HDX: variants seen among roughly 807,000 people sequenced by gnomAD.
HDX encodes the protein highly divergent homeobox.
A neutral mutation model predicts 45.2 loss-of-function variants in HDX; 19 were observed. The observed-to-expected ratio is 0.42, with a 90% CI of 0.29 to 0.62. The LOEUF (loss-of-function observed/expected upper bound fraction) is 0.62. Among genes scored for constraint, HDX ranks in the 20% least tolerant of loss-of-function variants. The probability of loss-of-function intolerance (pLI) is 0.20; values close to 1 mark genes in which losing one functional copy is unlikely to be tolerated. For synonymous variants in HDX, 188 were observed against 172.8 expected, an observed-to-expected ratio of 1.09 and a Z score of -0.69; for missense variants, 532 against 493.9, an observed-to-expected ratio of 1.08 and a Z score of -0.73.
At chrX:84,356,684 G>T (rs1163047814) in intron 6 of HDX, among the ~76,000 whole-genome samples, 1 of 94,425 alleles carries the variant, frequency 1.1e-5, no homozygotes, top group East Asian at 3.6e-4. Context: ...GTGCAGTGGC[G>T]CGATCTCGCC....
rs1015186259 is a variant in HDX, at chrX:84,376,325, G to A, written c.1306-14713C>T. Reference sequence around the variant, plus strand: ...ACATGACTAGCCGTGGGGACTACAAGGTGAAGCTCCTTCTGCTTGAGAAAA... The same window carrying A: ...ACATGACTAGCCGTGGGGACTACAAAGTGAAGCTCCTTCTGCTTGAGAAAA... On this transcript the variant is annotated intron_variant, in intron 5 of 10. Coordinates refer to ENST00000373177, the MANE Select transcript of HDX (RefSeq NM_001177479.2). 2.4e-4 allele frequency among the ~76,000 whole-genome samples: 27 copies of A among 112,071 alleles called. 1 individual carries two copies. The highest frequency in any genetic ancestry group is 2.3e-3 in the Admixed American group (24 of 10,551).
chrX:84,450,849 T>C (rs1290784669), intron 4 of HDX, among the ~76,000 whole-genome samples: 1 of 112,120 alleles, frequency 8.9e-6, no homozygotes, highest in Non-Finnish European at 1.9e-5. Context: ...TAGAGTATCT[T>C]CTTAGACCAC....
At chrX:84,349,515 A>ATG (rs1273977316) in intron 6 of HDX, among the ~76,000 whole-genome samples, 2 of 94,262 alleles carry the variant, frequency 2.1e-5, no homozygotes, top group East Asian at 7.0e-4. Context: ...ATATGTATAA[A>ATG]TGTGTGTGTG....
Position 84,469,467 on chromosome X carries a change from C to A in HDX, c.256G>T (p.Val86Phe). 1 of 1,210,881 alleles carries A rather than the reference C, an allele frequency of 8.3e-7. No homozygotes were observed. Among genetic ancestry groups the A allele is most frequent in the Non-Finnish European group, 1.1e-6 (1 of 895,120 alleles). ...SAPDITVRNV[V>F]NIARPSSQQS... ...TGGCTTGAGGGTCGAGCAATATTAA[C>A]CACATTTCTGACTGTGATGTCTGGA... Residue 86 changes from valine (V) to phenylalanine (F), a missense_variant, in exon 4 of 11, where the codon GTT (valine) becomes TTT (phenylalanine). Physicochemically the swap from Val to Phe is conservative, Grantham distance 50. Around this residue, in one of 3 missense-constraint regions of HDX, gnomAD observed 376 missense variants for 343.7 expected, o/e 1.09. Coordinates refer to ENST00000373177, the MANE Select transcript of HDX (RefSeq NM_001177479.2).
At chrX:84,453,518 T>C (rs73508921) in intron 4 of HDX, among the ~76,000 whole-genome samples, 25,369 of 110,486 alleles carry the variant, frequency 0.23, 2,252 homozygotes, top group Non-Finnish European at 0.29. Flanking sequence ...ATGGAGGGAG[T>C]ATTTAGACCA....
chrX:84,434,411 A>G (rs1411727289), intron 5 of HDX, among the ~76,000 whole-genome samples: 2 of 111,601 alleles, frequency 1.8e-5, no homozygotes, highest in African/African-American at 3.2e-5. Context: ...ATTTTATCAA[A>G]TGCTTTTTCT....
rs764225104 is a variant in HDX, at chrX:84,326,188, T to C, written c.1937A>G (p.Glu646Gly). 20 of 1,206,919 alleles carry C rather than the reference T, an allele frequency of 1.7e-5. No individual in the cohort carries two copies. The highest frequency in any genetic ancestry group is 2.2e-5 in the Non-Finnish European group (20 of 892,692). Residue 646 changes from glutamate (E) to glycine (G), a missense_variant, in exon 10 of 11, where the codon GAA (glutamate) becomes GGA (glycine). Physicochemically the swap from Glu to Gly is moderately conservative, Grantham distance 98. Coordinates refer to ENST00000373177, the MANE Select transcript of HDX (RefSeq NM_001177479.2). ...TTTCCTGGGACCTACCTGCTGTTGT[T>C]CCTTATCATCAGCTTTCATTGCTAA... ...LILAMKADDK[E>G]QQQALLSDLP...
intron 2 of HDX, among the ~76,000 whole-genome samples, chrX:84,479,585 T>G (rs2040630716): frequency 8.9e-6 from 1 of 111,997 alleles, no homozygotes; most frequent in Admixed American, 9.5e-5. Context: ...ATGAAATTTC[T>G]GGGTCGTATG....
At chrX:84,345,663 T>A (rs1840098650) in intron 6 of HDX, among the ~76,000 whole-genome samples, 1 of 111,758 alleles carries the variant, frequency 8.9e-6, no homozygotes, top group African/African-American at 3.2e-5. Flanking sequence ...GGATGCAAAT[T>A]ATGGATCATA....
chrX:84,469,157 A>T lies in HDX; in HGVS notation c.566T>A (p.Val189Glu), dbSNP rs776088400. 5.0e-6 allele frequency: 6 copies of T among 1,209,381 alleles called. No homozygotes were observed. The South Asian group carries it at 7.1e-5, about 14-fold the overall frequency. ...QTSVLNAGNS[V>E]FNHAKKNYGN... is the part of the protein sequence containing the mutation. The stretch of plus-strand genomic sequence containing the variant: ...ATAGTTTTTCTTTGCGTGATTGAAT[A>T]CTGAGTTTCCAGCATTTAGCACACT... Residue 189 changes from valine (V) to glutamate (E), a missense_variant, in exon 4 of 11, where the codon GTA becomes GAA. By Grantham distance (121) the Val-to-Glu change is moderately radical. Coordinates refer to ENST00000373177, the MANE Select transcript of HDX (RefSeq NM_001177479.2).
intron 4 of HDX, among the ~76,000 whole-genome samples, chrX:84,449,709 C>T (rs1055611916): frequency 2.7e-5 from 3 of 112,119 alleles, no homozygotes; most frequent in African/African-American, 9.7e-5. Context: ...ATCATGAAAA[C>T]ACATGAAGGA....
At chrX:84,334,672 CAAAAA>C (rs60988215) in intron 8 of HDX, among the ~76,000 whole-genome samples, 2 of 51,723 alleles carry the variant, frequency 3.9e-5, no homozygotes, top group Non-Finnish European at 7.8e-5. Flanking sequence ...AAAAAAAAAG[CAAAAA>C]AAAAAAAAAA....
chrX:84,468,745 A>T lies in HDX; in HGVS notation c.978T>A (p.Phe326Leu). The T allele has an allele frequency of 8.3e-7, 1 of 1,211,731 alleles. No homozygotes were observed. The highest frequency in any genetic ancestry group is 1.1e-6 in the Non-Finnish European group (1 of 895,492). The part of the protein sequence containing the change: ...MRAQIPSYSR[F>L]YESGSSLRAE... ...CTCGAAGGGAACTGCCACTTTCATAAAATCTCGAATAGCTTGGTATCTGTG... is the reference window on the plus strand; with the variant it reads ...CTCGAAGGGAACTGCCACTTTCATATAATCTCGAATAGCTTGGTATCTGTG... Residue 326 changes from phenylalanine to leucine, a missense_variant, in exon 4 of 11, where the codon TTT becomes TTA. By Grantham distance (22) the Phe-to-Leu change is conservative. Around this residue, in one of 3 missense-constraint regions of HDX, gnomAD observed 376 missense variants for 343.7 expected, o/e 1.09. Coordinates refer to ENST00000373177, the MANE Select transcript of HDX (RefSeq NM_001177479.2).
At chrX:84,472,534 A>G (rs1328676232) in intron 3 of HDX, among the ~76,000 whole-genome samples, 2 of 111,553 alleles carry the variant, frequency 1.8e-5, no homozygotes, top group African/African-American at 6.5e-5. Context: ...CAACAGTACC[A>G]AAACTAAAAT....
intron 5 of HDX, among the ~76,000 whole-genome samples, chrX:84,427,862 C>A (rs1160393498): frequency 9.0e-6 from 1 of 110,915 alleles, no homozygotes; most frequent in African/African-American, 3.3e-5. Context: ...ATGGTTAACT[C>A]TTTTAGAAAT....
At chrX:84,353,079 T>G (rs773234961) in intron 6 of HDX, among the ~76,000 whole-genome samples, 1 of 112,331 alleles carries the variant, frequency 8.9e-6, no homozygotes, top group African/African-American at 3.2e-5. Context: ...GGTAAAACAA[T>G]ATGTTATGTG....
At chrX:84,433,911 A>AAAT (rs2039561182) in intron 5 of HDX, among the ~76,000 whole-genome samples, 1 of 111,015 alleles carries the variant, frequency 9.0e-6, no homozygotes. Flanking sequence ...CTCCTTGGTT[A>AAAT]AATTTATTTC....
intron 10 of HDX, among the ~76,000 whole-genome samples, chrX:84,325,057 C>G (rs73507039): frequency 0.048 from 5,263 of 110,438 alleles, 282 homozygotes; most frequent in African/African-American, 0.16. Context: ...CTTGAGATGT[C>G]TGTGTGTGTG....
At chrX:84,412,019 A>G (rs748552733) in intron 5 of HDX, among the ~76,000 whole-genome samples, 40 of 111,111 alleles carry the variant, frequency 3.6e-4, no homozygotes, top group Non-Finnish European at 6.0e-4. Flanking sequence ...TGCTTGGTAG[A>G]TTTTTATCCA....
Sources: allele counts gnomAD v4.1 joint callset (sites outside exome capture counted in the v4.1 genomes callset), GRCh38; gene constraint gnomAD v4.1.1; regional missense constraint gnomAD v4.1.1; transcripts MANE v1.5; gene names NCBI Gene and HGNC (gene_info 2026-07-23, HGNC 2026-07-21).